TENM4: variants seen among roughly 807,000 people sequenced by gnomAD.
The protein encoded by TENM4 is teneurin transmembrane protein 4, also known as teneurin-4.
Under a neutral mutation model 243.3 loss-of-function variants are expected in TENM4, and 82 were observed. That is an observed-to-expected ratio of 0.34 (90% CI 0.28 to 0.40). The LOEUF (loss-of-function observed/expected upper bound fraction) is 0.40, where lower values mean the gene tolerates loss of function less well. Ranked by LOEUF, TENM4 falls within the 10% of genes least tolerant of loss-of-function variation. The probability of loss-of-function intolerance (pLI) is 1.00; values close to 1 mark genes in which losing one functional copy is unlikely to be tolerated. For missense variants in TENM4, 3,138 were observed against 3,673.3 expected (o/e 0.85, Z 3.77); for synonymous variants, 1,412 against 1,456.3 (o/e 0.97, Z 0.69).
chr11:79,266,602 G>T (rs1855887961), intron 2 of TENM4, among the ~76,000 whole-genome samples: 1 of 152,138 alleles, frequency 6.6e-6, no homozygotes, highest in Non-Finnish European at 1.5e-5. Context: ...CCTTAACAGA[G>T]TCTTTACAAC....
intron 1 of TENM4, among the ~76,000 whole-genome samples, chr11:79,373,326 CTGGCTGGA>C (rs1227179517): frequency 1.2e-3 from 118 of 98,286 alleles, no homozygotes; most frequent in African/African-American, 4.4e-3. Flanking sequence ...GGCTGGCTGG[CTGGCTGGA>C]TGGATGGATG....
At chr11:79,236,515 C>T (rs141684894) in intron 2 of TENM4, among the ~76,000 whole-genome samples, 85 of 152,284 alleles carry the variant, frequency 5.6e-4, no homozygotes, top group African/African-American at 1.8e-3. Flanking sequence ...GTGATCTTCT[C>T]CCTGACTGTC....
intron 6 of TENM4, among the ~76,000 whole-genome samples, chr11:78,982,166 C>G (rs1857812362): frequency 6.6e-6 from 1 of 152,180 alleles, no homozygotes; most frequent in South Asian, 2.1e-4. Flanking sequence ...GGAAATGCCA[C>G]TTGCCTTAAT....
At chr11:78,695,754 T>C (rs926557680) in intron 28 of TENM4, among the ~76,000 whole-genome samples, 2 of 149,300 alleles carry the variant, frequency 1.3e-5, no homozygotes, top group African/African-American at 5.1e-5. Context: ...TTCTTACCTT[T>C]GTTCCTCTTA....
intron 1 of TENM4, among the ~76,000 whole-genome samples, chr11:79,434,431 G>A (rs1859229823): frequency 6.6e-6 from 1 of 152,080 alleles, no homozygotes; most frequent in African/African-American, 2.4e-5. Flanking sequence ...CTCAGCAAAT[G>A]CTGAAGACAC....
chr11:78,874,335 T>C lies in TENM4; in HGVS notation c.1085-11203A>G, dbSNP rs77303026. Reference sequence around the variant, plus strand: ...TTCTTTAGAATTTAGAATTTAGAGATTATAAAGTATATTGAAAATATAAGG... The same window carrying C: ...TTCTTTAGAATTTAGAATTTAGAGACTATAAAGTATATTGAAAATATAAGG... On this transcript the variant is annotated intron_variant, in intron 9 of 33. Transcript: ENST00000278550. 6.2e-3 allele frequency among the ~76,000 whole-genome samples: 939 copies of C among 152,298 alleles called. 7 individuals carry two copies. Among genetic ancestry groups the C allele is most frequent in the African/African-American group, 0.021 (878 of 41,556 alleles).
At chr11:79,154,604 G>A (rs1862567716) in intron 3 of TENM4, among the ~76,000 whole-genome samples, 1 of 152,064 alleles carries the variant, frequency 6.6e-6, no homozygotes. Context: ...TCCAAACCAG[G>A]CATCTTTCAG....
chr11:79,155,482 C>T (rs952602690), intron 3 of TENM4, among the ~76,000 whole-genome samples: 62 of 152,034 alleles, frequency 4.1e-4, no homozygotes, highest in East Asian at 9.6e-4. Flanking sequence ...ATATTAACCC[C>T]AGAGCAACGT....
intron 6 of TENM4, among the ~76,000 whole-genome samples, chr11:78,959,676 TC>T (rs747819434): frequency 4.8e-4 from 73 of 152,194 alleles, no homozygotes; most frequent in Non-Finnish European, 9.1e-4. Context: ...GGGGAAGGGA[TC>T]CAAAGTGACA....
At chr11:79,389,148 T>A (rs1684196021) in intron 1 of TENM4, among the ~76,000 whole-genome samples, 1 of 151,738 alleles carries the variant, frequency 6.6e-6, no homozygotes, top group Non-Finnish European at 1.5e-5. Context: ...ACGAGTGGGG[T>A]TTTTTTAGTC....
chr11:79,357,037 A>G (rs955563242), intron 1 of TENM4, among the ~76,000 whole-genome samples: 18 of 152,206 alleles, frequency 1.2e-4, no homozygotes, highest in African/African-American at 3.9e-4. Context: ...GTCCCAGGCC[A>G]GAGACCCTCT....
At chr11:79,335,161 G>T (rs917537626) in intron 1 of TENM4, among the ~76,000 whole-genome samples, 2 of 152,208 alleles carry the variant, frequency 1.3e-5, no homozygotes, top group African/African-American at 2.4e-5. Flanking sequence ...GGGCCTGATT[G>T]TTTTCTAGAA....
At chr11:78,773,222 T>C (rs1416723978) in intron 17 of TENM4, among the ~76,000 whole-genome samples, 1 of 152,236 alleles carries the variant, frequency 6.6e-6, no homozygotes, top group African/African-American at 2.4e-5. Context: ...ATAAAGCCTC[T>C]TGTAAGATGC....
intron 6 of TENM4, among the ~76,000 whole-genome samples, chr11:78,930,301 C>T (rs1236226883): frequency 6.6e-6 from 1 of 152,170 alleles, no homozygotes; most frequent in Non-Finnish European, 1.5e-5. Flanking sequence ...GTTCCGAAAG[C>T]TCTGTTTATG....
At chr11:78,917,640 C>A (rs935258815) in intron 6 of TENM4, among the ~76,000 whole-genome samples, 2 of 152,110 alleles carry the variant, frequency 1.3e-5, no homozygotes, top group African/African-American at 4.8e-5. Flanking sequence ...CCCTAGGCAA[C>A]AGAAATGTAA....
chr11:78,919,713 G>A (rs1187424991), intron 6 of TENM4, among the ~76,000 whole-genome samples: 3 of 152,054 alleles, frequency 2.0e-5, no homozygotes, highest in Non-Finnish European at 2.9e-5. Context: ...ATGGGAAAAG[G>A]AGCCCCTGGA....
intron 1 of TENM4, among the ~76,000 whole-genome samples, chr11:79,433,071 C>A (rs1859201853): frequency 3.3e-5 from 5 of 152,156 alleles, no homozygotes; most frequent in Admixed American, 3.3e-4. Flanking sequence ...TTCCCCAAAT[C>A]TAAAATGAAA....
At chr11:79,012,877 T>C (rs1858681333) in intron 6 of TENM4, among the ~76,000 whole-genome samples, 1 of 152,148 alleles carries the variant, frequency 6.6e-6, no homozygotes. Context: ...GTGATTGTTC[T>C]CATCCAAGAT....
In TENM4 at chr11:79,400,621, A is replaced by C. The variant is rs77538763; in HGVS notation, c.-321+39888T>G. Among the ~76,000 whole-genome samples the C allele has an allele frequency of 4.3e-4, 65 of 152,316 alleles. 1 individual carries two copies. In the East Asian group the frequency reaches 0.011, roughly 26 times the overall value. ...AAATTCCAGTTTCCCCATCTAATGC[A>C]TCTTTAAGCCTCAGTTTCCTTGCTT... On this transcript the variant is annotated intron_variant, in intron 1 of 33. Transcript: ENST00000278550.
Sources: allele counts gnomAD v4.1 joint callset (sites outside exome capture counted in the v4.1 genomes callset), GRCh38; gene constraint gnomAD v4.1.1; transcripts MANE v1.5; gene names NCBI Gene and HGNC (gene_info 2026-07-23, HGNC 2026-07-21).